PARP9: variants seen among roughly 807,000 people sequenced by gnomAD.
The protein encoded by PARP9 is poly(ADP-ribose) polymerase family member 9, also known as protein mono-ADP-ribosyltransferase PARP9.
A neutral mutation model predicts 68.8 loss-of-function variants in PARP9; 48 were observed. The ratio of observed to expected loss-of-function variants is 0.70; its 90% CI spans 0.55 to 0.89. The LOEUF (loss-of-function observed/expected upper bound fraction) is 0.89, where lower values mean the gene tolerates loss of function less well. PARP9 is among the 40% of genes least tolerant of loss of function. The probability of loss-of-function intolerance (pLI) is 0.00; values close to 1 mark genes in which losing one functional copy is unlikely to be tolerated. For missense variants in PARP9, 806 were observed against 969.3 expected, an observed-to-expected ratio of 0.83 and a Z score of 2.24; for synonymous variants, 309 against 333.8, an observed-to-expected ratio of 0.93 and a Z score of 0.81.
chr3:122,560,319 G>A (rs2080085700), intron 1 of PARP9, among the ~76,000 whole-genome samples: 1 of 152,180 alleles, frequency 6.6e-6, no homozygotes, highest in Non-Finnish European at 1.5e-5. Flanking sequence ...TGATGAAAAT[G>A]CTTAAAGATA....
At chr3:122,551,294 T>C (rs1308460924) in intron 5 of PARP9, among the ~76,000 whole-genome samples, 1 of 152,138 alleles carries the variant, frequency 6.6e-6, no homozygotes, top group Non-Finnish European at 1.5e-5. Flanking sequence ...ATCAAAGTAA[T>C]ACAGGAATGT....
intron 2 of PARP9, among the ~76,000 whole-genome samples, chr3:122,558,772 G>A (rs1015245013): frequency 3.9e-5 from 6 of 152,156 alleles, no homozygotes; most frequent in Non-Finnish European, 8.8e-5. Context: ...GTGCAGTGGT[G>A]CAATCACAGT....
At chr3:122,564,117 T>G (rs1341415095) in intron 1 of PARP9, 128 bp downstream of exon 1, 5 of 378,134 alleles carry the variant, frequency 1.3e-5, no homozygotes, top group Non-Finnish European at 2.4e-5. Flanking sequence ...TTACTTTCTT[T>G]GCATAGTCTA....
intron 1 of PARP9, among the ~76,000 whole-genome samples, chr3:122,563,619 C>T (rs1043317362): frequency 2.6e-5 from 4 of 152,144 alleles, no homozygotes; most frequent in African/African-American, 7.2e-5. Flanking sequence ...CCTTCATCCC[C>T]TCACCCATCT....
intron 10 of PARP9, chr3:122,534,317 C>T: frequency 2.0e-6 from 2 of 984,462 alleles, no homozygotes; most frequent in Non-Finnish European, 2.4e-6. Flanking sequence ...CCATGGCTCC[C>T]TGATAGGCAA....
In PARP9 at chr3:122,540,625, T is replaced by C. The variant is rs374100803; in HGVS notation, c.1612A>G (p.Ile538Val). The C allele has an allele frequency of 1.2e-6, 2 of 1,614,204 alleles. No homozygotes were observed. The highest frequency in any genetic ancestry group is 1.7e-6 in the Non-Finnish European group (2 of 1,180,032). The change falls in exon 8 of 11, where the codon ATC becomes GTC. Residue 538 changes from isoleucine (I) to valine (V), a missense_variant. Physicochemically the swap from Ile to Val is conservative, Grantham distance 29. Coordinates refer to ENST00000682323, the MANE Select transcript of PARP9 (RefSeq NM_001146105.2). ...CTTCCTGGGCTGATAATTTCTGTGA[T>C]GGAGACACTTGAAGTTTTCTGAAGC... ...SQLQKTSSVS[I>V]TEIISPGRTE...
intron 10 of PARP9, among the ~76,000 whole-genome samples, chr3:122,529,112 C>A (rs2077117655): frequency 6.6e-6 from 1 of 151,814 alleles, no homozygotes. Context: ...GTGGCAGGCA[C>A]CTGCAATCCC....
At chr3:122,534,154 T>C (rs753675085) in intron 10 of PARP9, 1 of 817,830 alleles carries the variant, frequency 1.2e-6, no homozygotes, top group Non-Finnish European at 1.5e-6. Flanking sequence ...AAAGACTATA[T>C]GGAGACAAGA....
chr3:122,538,694 T>A (rs1342328640), intron 8 of PARP9, among the ~76,000 whole-genome samples: 4 of 131,530 alleles, frequency 3.0e-5, no homozygotes, highest in Non-Finnish European at 5.1e-5. Flanking sequence ...ACACACACAC[T>A]CTAACAAAAT....
At chr3:122,546,968 CTATATATATATATATA>C (rs57337681) in intron 6 of PARP9, among the ~76,000 whole-genome samples, 177 of 70,146 alleles carry the variant, frequency 2.5e-3, no homozygotes, top group Admixed American at 9.5e-3. Context: ...ATACATGGCA[CTATATATATATATATA>C]TATATATATA....
intron 6 of PARP9, among the ~76,000 whole-genome samples, chr3:122,550,116 G>C (rs772021708): frequency 6.6e-6 from 1 of 152,158 alleles, no homozygotes; most frequent in Non-Finnish European, 1.5e-5. Context: ...TTTCACTCTT[G>C]TTGCTCAGGC....
upstream of PARP9, chr3:122,564,539 G>T: frequency 6.2e-7 from 1 of 1,610,776 alleles, no homozygotes; most frequent in Middle Eastern, 1.7e-4. Flanking sequence ...TCCTCGGGCG[G>T]CGGGGAGTGC....
Position 122,537,022 on chromosome 3 carries a change from A to G in PARP9, c.1817T>C (p.Ile606Thr), listed in dbSNP as rs111390808. Residue 606 changes from isoleucine to threonine, a missense_variant, in exon 9 of 11, where the codon ATC becomes ACC. By Grantham distance (89) the Ile-to-Thr change is moderately conservative. Coordinates refer to ENST00000682323, the MANE Select transcript of PARP9 (RefSeq NM_001146105.2). ...AGGCACAGGACATTTCAGAAATATG[A>G]TATTTTCTTTCATTTCGTCTTGGGT... is the stretch of plus-strand genomic sequence containing the variant. ...QKTQDEMKENIIFLKCPVPPT... is the reference protein window; with the variant it reads ...QKTQDEMKENTIFLKCPVPPT... The G allele has an allele frequency of 1.9e-6, 3 of 1,612,602 alleles. No individual in the cohort carries two copies. Among genetic ancestry groups the G allele is most frequent in the Non-Finnish European group, 2.5e-6 (3 of 1,179,556 alleles).
upstream of PARP9, chr3:122,564,426 C>T (rs773786311): frequency 2.5e-6 from 4 of 1,608,462 alleles, no homozygotes; most frequent in East Asian, 2.2e-5. Flanking sequence ...CGCGCAGAGC[C>T]ATGGCCTCCC....
chr3:122,540,637 A>G lies in PARP9; in HGVS notation c.1600T>C (p.Ser534Pro). 6.2e-7 allele frequency: 1 copy of G among 1,614,124 alleles called. No individual in the cohort carries two copies. The highest frequency in any genetic ancestry group is 2.2e-5 in the East Asian group (1 of 44,878). Residue 534 changes from serine (S) to proline (P), a missense_variant, in exon 8 of 11, where the codon TCA (serine) becomes CCA (proline). Coordinates refer to ENST00000682323, the MANE Select transcript of PARP9 (RefSeq NM_001146105.2). ...ATAATTTCTGTGATGGAGACACTTGAAGTTTTCTGAAGCTGAGACAAAATG... is the reference window on the plus strand; with the variant it reads ...ATAATTTCTGTGATGGAGACACTTGGAGTTTTCTGAAGCTGAGACAAAATG... ...HDILSQLQKT[S>P]SVSITEIISP... is the part of the protein sequence containing the mutation.
chr3:122,533,661 T>C, intron 10 of PARP9: 1 of 980,526 alleles, frequency 1.0e-6, no homozygotes, highest in Non-Finnish European at 1.2e-6. Context: ...TCATAGAATG[T>C]GCTTAATAAA....
At chr3:122,557,143 C>G (rs571425142) in intron 3 of PARP9, among the ~76,000 whole-genome samples, 1 of 152,066 alleles carries the variant, frequency 6.6e-6, no homozygotes, top group South Asian at 2.1e-4. Flanking sequence ...CCCAGTTTAG[C>G]TGGCATTTTT....
At chr3:122,539,850 C>A (rs925683581) in intron 8 of PARP9, among the ~76,000 whole-genome samples, 1 of 152,152 alleles carries the variant, frequency 6.6e-6, no homozygotes, top group African/African-American at 2.4e-5. Context: ...AGGCGTGAGC[C>A]ACCGTGCCCA....
At chr3:122,536,533 A>C (rs2077658129) in intron 9 of PARP9, 191 bp from the exon 10 acceptor site, 1 of 1,078,506 alleles carries the variant, frequency 9.3e-7, no homozygotes, top group Admixed American at 3.1e-5. Flanking sequence ...GTTCTTCAAA[A>C]TTCCCTGCCC....
Sources: gnomAD v4.1 joint callset for allele counts (sites outside exome capture counted in the v4.1 genomes callset) on GRCh38, gnomAD v4.1.1 for gene constraint, MANE v1.5 for transcripts, NCBI Gene and HGNC (gene_info 2026-07-23, HGNC 2026-07-21) for gene names.